CLVS1: variants seen among roughly 807,000 people sequenced by gnomAD.
The protein encoded by CLVS1 is clavesin 1, also known as clavesin-1.
A neutral mutation model predicts 33.1 loss-of-function variants in CLVS1; 10 were observed. The observed-to-expected ratio is 0.30, with a 90% CI of 0.19 to 0.51. CLVS1 has a LOEUF of 0.51. Ranked by LOEUF, CLVS1 falls within the 20% of genes least tolerant of loss-of-function variation. The pLI is 0.97. For synonymous variants in CLVS1, 163 were observed against 166.1 expected (o/e 0.98, Z 0.14); for missense variants, 343 against 433.4 (o/e 0.79, Z 1.85).
At chr8:61,216,156 T>A (rs563822478) in intron 2 of CLVS1, among the ~76,000 whole-genome samples, 30 of 152,290 alleles carry the variant, frequency 2.0e-4, no homozygotes, top group African/African-American at 7.2e-4. Context: ...AGTGTTGCCA[T>A]CTGAATTGTA....
At chr8:61,258,847 C>A (rs1234871097) in intron 2 of CLVS1, among the ~76,000 whole-genome samples, 2 of 152,098 alleles carry the variant, frequency 1.3e-5, no homozygotes, top group African/African-American at 4.8e-5. Context: ...GCATATTCTG[C>A]ACAACAGAAT....
At chr8:61,399,614 C>G (rs928648244) in intron 3 of CLVS1, among the ~76,000 whole-genome samples, 3 of 152,090 alleles carry the variant, frequency 2.0e-5, no homozygotes, top group Non-Finnish European at 4.4e-5. Context: ...TTGCCTGTGC[C>G]TATGTCCTGA....
intron 2 of CLVS1, among the ~76,000 whole-genome samples, chr8:61,136,395 T>A (rs1806191010): frequency 6.6e-6 from 1 of 152,180 alleles, no homozygotes. Flanking sequence ...AACATCAAAG[T>A]GCTGTGATTT....
chr8:61,252,434 T>G (rs1808969945), intron 2 of CLVS1, among the ~76,000 whole-genome samples: 1 of 152,146 alleles, frequency 6.6e-6, no homozygotes, highest in African/African-American at 2.4e-5. Context: ...CTATTAGGTC[T>G]GCTTGGTCCA....
chr8:61,478,210 A>G (rs1416029783), intron 5 of CLVS1, among the ~76,000 whole-genome samples: 1 of 151,986 alleles, frequency 6.6e-6, no homozygotes, highest in Non-Finnish European at 1.5e-5. Flanking sequence ...GTTCTTTTAC[A>G]TTTGCTGAGG....
At chr8:61,262,267 C>T (rs1809221485) in intron 2 of CLVS1, among the ~76,000 whole-genome samples, 1 of 152,110 alleles carries the variant, frequency 6.6e-6, no homozygotes. Context: ...CCTCCTGCCT[C>T]AACCTCTGGA....
chr8:61,262,373 T>C (rs988240771), intron 2 of CLVS1, among the ~76,000 whole-genome samples: 5 of 151,948 alleles, frequency 3.3e-5, no homozygotes, highest in Admixed American at 3.3e-4. Context: ...TAGAACAGAG[T>C]CCACTCATCA....
At chr8:61,162,358 C>T (rs971853581) in intron 2 of CLVS1, among the ~76,000 whole-genome samples, 18 of 152,152 alleles carry the variant, frequency 1.2e-4, no homozygotes, top group African/African-American at 3.9e-4. Context: ...CAGACATGAA[C>T]CTTCAGGGAG....
At chr8:61,391,111 C>G (rs1025263123) in intron 3 of CLVS1, 6 of 152,006 alleles carry the variant, frequency 3.9e-5, no homozygotes, top group African/African-American at 1.5e-4. Context: ...GATAACACAT[C>G]CTGAAATGCA....
intron 3 of CLVS1, among the ~76,000 whole-genome samples, chr8:61,392,926 C>T (rs1001558634): frequency 6.6e-6 from 1 of 151,954 alleles, no homozygotes; most frequent in African/African-American, 2.4e-5. Context: ...TCTTGTTGCC[C>T]AGGCTGGAGT....
intron 2 of CLVS1, among the ~76,000 whole-genome samples, chr8:61,310,442 G>A (rs1311042195): frequency 4.6e-5 from 7 of 152,184 alleles, no homozygotes; most frequent in Non-Finnish European, 8.8e-5. Flanking sequence ...TTAAAACACT[G>A]TGCTGCACAG....
chr8:61,313,972 G>T (rs762114695), intron 2 of CLVS1, among the ~76,000 whole-genome samples: 2 of 152,108 alleles, frequency 1.3e-5, no homozygotes, highest in Admixed American at 6.5e-5. Context: ...CTTGAGCTCC[G>T]GGTGCCAACT....
the CLVS1 span, among the ~76,000 whole-genome samples, chr8:60,991,209 A>C: frequency 1.3e-5 from 2 of 152,070 alleles, no homozygotes; most frequent in African/African-American, 2.4e-5. Flanking sequence ...AGCTAGCACA[A>C]AAAAAAATTG....
rs369025438 is a variant in CLVS1 at position 61,181,697 on chromosome 8, C to CTTTTTT, written c.-152+49852_-152+49857dup. Among the ~76,000 whole-genome samples, 580 of 103,178 alleles carry CTTTTTT rather than the reference C, an allele frequency of 5.6e-3. 24 individuals are homozygous for CTTTTTT. The highest frequency in any genetic ancestry group is 9.6e-3 in the Middle Eastern group (1 of 104). 67.7% of individuals were successfully genotyped at this position (103,178 alleles called of 152,430 possible). On this transcript the variant is annotated intron_variant, in intron 2 of 2. Transcript: ENST00000522621. Reference sequence around the variant, plus strand: ...TACCACACATCTACAACCATCTGATCTTTTTTTTTTTTTTTTTTTTGAGAT... The same window carrying CTTTTTT: ...TACCACACATCTACAACCATCTGATCTTTTTTTTTTTTTTTTTTTTTTTTTTGAGAT...
rs1213649462 is a variant in CLVS1 at position 61,500,709 on chromosome 8, A to T, written c.*1167A>T. 1 of 152,210 alleles carries T rather than the reference A, an allele frequency of 6.6e-6. No homozygotes were observed. The highest frequency in any genetic ancestry group is 1.5e-5 in the Non-Finnish European group (1 of 68,036). The allele number at this position is 152,210 out of a possible 1,614,324, so 9.4% of individuals were successfully genotyped here. On this transcript the variant is annotated 3_prime_UTR_variant, in exon 6 of 6. Transcript: ENST00000325897. The stretch of plus-strand genomic sequence containing the variant: ...CCAAGACCAGTGCATATTTTTAGAC[A>T]TCTCTTATTCGCCCAGCCATCTGCA...
At chr8:61,441,308 C>G (rs1029324040) in intron 3 of CLVS1, among the ~76,000 whole-genome samples, 7 of 152,288 alleles carry the variant, frequency 4.6e-5, no homozygotes, top group Middle Eastern at 3.4e-3. Context: ...AGACGGTCCT[C>G]CCTTACACTA....
At chr8:61,304,972 C>G (rs2129595033) in intron 2 of CLVS1, among the ~76,000 whole-genome samples, 1 of 152,230 alleles carries the variant, frequency 6.6e-6, no homozygotes, top group African/African-American at 2.4e-5. Context: ...ATGAAGTGCA[C>G]AAACTCTGAA....
chr8:61,183,849 G>T (rs1807289668), intron 2 of CLVS1, among the ~76,000 whole-genome samples: 1 of 152,140 alleles, frequency 6.6e-6, no homozygotes, highest in Non-Finnish European at 1.5e-5. Flanking sequence ...GACAAGCTCA[G>T]GACAAAATCA....
intron 2 of CLVS1, among the ~76,000 whole-genome samples, chr8:61,352,859 A>G (rs183758446): frequency 6.6e-6 from 1 of 152,060 alleles, no homozygotes; most frequent in African/African-American, 2.4e-5. Flanking sequence ...TAGCATTTAC[A>G]TAGCATTAAG....
Sources: gnomAD v4.1 joint callset for allele counts (sites outside exome capture counted in the v4.1 genomes callset) on GRCh38, gnomAD v4.1.1 for gene constraint, MANE v1.5 for transcripts, NCBI Gene and HGNC (gene_info 2026-07-23, HGNC 2026-07-21) for gene names.